The following MAD1L1 variants were observed in gnomAD, a reference collection of about 807,000 sequenced individuals.
MAD1L1 encodes mitotic spindle assembly checkpoint protein MAD1.
Under a neutral mutation model 96.9 loss-of-function variants are expected in MAD1L1, and 95 were observed. The ratio of observed to expected loss-of-function variants is 0.98; its 90% CI spans 0.83 to 1.16. The LOEUF (loss-of-function observed/expected upper bound fraction) is 1.16. Among genes scored for constraint, MAD1L1 ranks in the 50% most tolerant of loss-of-function variants. The pLI is 0.00. For synonymous variants in MAD1L1, 473 were observed against 396.6 expected (o/e 1.19, Z -2.29); for missense variants, 1,007 against 954.4 (o/e 1.06, Z -0.73).
chr7:2,007,329 G>A (rs1395832921), intron 13 of MAD1L1, among the ~76,000 whole-genome samples: 2 of 152,218 alleles, frequency 1.3e-5, no homozygotes, highest in Non-Finnish European at 2.9e-5. Context: ...GTGCAGTAAC[G>A]CGTCACTGGA....
intron 18 of MAD1L1, among the ~76,000 whole-genome samples, chr7:1,853,192 A>G (rs1455913581): frequency 6.6e-6 from 1 of 152,162 alleles, no homozygotes; most frequent in Admixed American, 6.5e-5. Flanking sequence ...ATGTCATCTC[A>G]GTCCACCACC....
intron 3 of MAD1L1, among the ~76,000 whole-genome samples, chr7:2,227,619 TTC>T (rs1448426510): frequency 1.3e-5 from 2 of 152,132 alleles, no homozygotes; most frequent in Admixed American, 1.3e-4. Context: ...GGAGGGAAGT[TTC>T]TCTGTCCTCC....
At chr7:1,865,678 G>A (rs574035164) in intron 18 of MAD1L1, among the ~76,000 whole-genome samples, 3 of 152,358 alleles carry the variant, frequency 2.0e-5, no homozygotes, top group East Asian at 1.9e-4. Context: ...ATCCCTTGAG[G>A]AATGCCTTCC....
At chr7:1,950,318 C>T (rs1232274443) in intron 16 of MAD1L1, among the ~76,000 whole-genome samples, 1 of 152,024 alleles carries the variant, frequency 6.6e-6, no homozygotes, top group African/African-American at 2.4e-5. Context: ...ATCCGTCTGT[C>T]CGTCCGTCCA....
At chr7:1,883,673 G>A (rs1302879460) in intron 18 of MAD1L1, among the ~76,000 whole-genome samples, 3 of 152,228 alleles carry the variant, frequency 2.0e-5, no homozygotes, top group African/African-American at 4.8e-5. Context: ...TACCGTGGCT[G>A]GGGTCGCGGG....
chr7:2,211,475 G>A (rs115433684), intron 10 of MAD1L1, among the ~76,000 whole-genome samples: 1 of 152,340 alleles, frequency 6.6e-6, no homozygotes, highest in African/African-American at 2.4e-5. Context: ...ACTGCACACT[G>A]GACCCTCCAG....
chr7:2,157,561 G>A (rs1789907422), intron 10 of MAD1L1, among the ~76,000 whole-genome samples: 1 of 152,122 alleles, frequency 6.6e-6, no homozygotes, highest in Admixed American at 6.5e-5. Flanking sequence ...CAGGGCAGAG[G>A]GTGTCTGAAA....
intron 12 of MAD1L1, among the ~76,000 whole-genome samples, chr7:2,040,408 G>T (rs979227411): frequency 1.3e-5 from 2 of 152,118 alleles, no homozygotes; most frequent in African/African-American, 4.8e-5. Context: ...GTATTCCCAG[G>T]TCTCATCGGT....
chr7:1,942,505 G>A (rs1353313496), intron 16 of MAD1L1, among the ~76,000 whole-genome samples: 1 of 152,182 alleles, frequency 6.6e-6, no homozygotes, highest in Non-Finnish European at 1.5e-5. Context: ...GCTGAGGCCC[G>A]TCTCCAGGGC....
chr7:1,983,151 C>T lies in MAD1L1; in HGVS notation c.1417-2610G>A, dbSNP rs1384313699. 4.2e-4 allele frequency among the ~76,000 whole-genome samples: 4 copies of T among 9,424 alleles called. No homozygotes were observed. The East Asian group carries it at 0.031, about 74-fold the overall frequency. 6.2% of individuals were successfully genotyped at this position (9,424 alleles called of 152,430 possible). A position where few individuals can be genotyped will look rare whatever the true frequency, so the allele number is the denominator to read the frequency against. ...CCACAGACGCGCGCGCGCGCGCGCG[C>T]GCGCACACACACACACACACACACA... On this transcript the variant is annotated intron_variant, in intron 14 of 18. Coordinates refer to ENST00000265854, the MANE Select transcript of MAD1L1 (RefSeq NM_001013836.2).
At chr7:2,182,936 C>CA (rs1464421928) in intron 10 of MAD1L1, among the ~76,000 whole-genome samples, 1 of 152,134 alleles carries the variant, frequency 6.6e-6, no homozygotes, top group Non-Finnish European at 1.5e-5. Flanking sequence ...TTAAAACAGA[C>CA]AAGCGGCAGG....
intron 15 of MAD1L1, among the ~76,000 whole-genome samples, chr7:1,965,267 A>G (rs1241246771): frequency 1.3e-5 from 2 of 152,166 alleles, no homozygotes; most frequent in Admixed American, 1.3e-4. Context: ...GTGTCCTGAC[A>G]CGGAGCACCT....
intron 11 of MAD1L1, among the ~76,000 whole-genome samples, chr7:2,105,259 C>T (rs1024278049): frequency 2.6e-5 from 4 of 152,134 alleles, no homozygotes; most frequent in African/African-American, 4.8e-5. Context: ...AACACACGAG[C>T]TGGCTTCAGG....
intron 10 of MAD1L1, among the ~76,000 whole-genome samples, chr7:2,150,457 C>T (rs926600781): frequency 1.3e-5 from 2 of 152,198 alleles, no homozygotes; most frequent in Admixed American, 1.3e-4. Context: ...GCCCCCGAAA[C>T]CCTCATCAGC....
intron 10 of MAD1L1, among the ~76,000 whole-genome samples, chr7:2,184,994 C>T (rs1361838318): frequency 3.3e-5 from 5 of 152,114 alleles, no homozygotes; most frequent in Admixed American, 2.6e-4. Flanking sequence ...AAGAGTGAAA[C>T]TCCATCTCAA....
intron 17 of MAD1L1, among the ~76,000 whole-genome samples, chr7:1,929,749 C>G (rs1351522170): frequency 6.7e-6 from 1 of 149,062 alleles, no homozygotes; most frequent in Non-Finnish European, 1.5e-5. Flanking sequence ...CCCCTCGCCC[C>G]GTCCCCACTG....
chr7:1,857,672 G>T (rs1040381247), intron 18 of MAD1L1, among the ~76,000 whole-genome samples: 1 of 152,218 alleles, frequency 6.6e-6, no homozygotes, highest in Non-Finnish European at 1.5e-5. Context: ...GAGGAAGAGG[G>T]GCCTTGGAGC....
intron 12 of MAD1L1, among the ~76,000 whole-genome samples, chr7:2,027,993 C>A (rs980666393): frequency 6.6e-6 from 1 of 152,168 alleles, no homozygotes; most frequent in African/African-American, 2.4e-5. Flanking sequence ...TTTAGCAATG[C>A]TGCAGGACCA....
intron 11 of MAD1L1, among the ~76,000 whole-genome samples, chr7:2,143,997 A>G (rs1021579127): frequency 6.6e-6 from 1 of 152,232 alleles, no homozygotes; most frequent in East Asian, 1.9e-4. Flanking sequence ...GGCAGGATCC[A>G]TGACCCAGGG....
Sources: allele counts gnomAD v4.1 joint callset (sites outside exome capture counted in the v4.1 genomes callset), GRCh38; gene constraint gnomAD v4.1.1; transcripts MANE v1.5; gene names NCBI Gene and HGNC (gene_info 2026-07-23, HGNC 2026-07-21).